The following RGS6 variants were observed in gnomAD, a reference collection of about 807,000 sequenced individuals.
The protein encoded by RGS6 is regulator of G-protein signaling 6.
A neutral mutation model predicts 78.5 loss-of-function variants in RGS6; 30 were observed. The ratio of observed to expected loss-of-function variants is 0.38; its 90% CI spans 0.29 to 0.52. The LOEUF (loss-of-function observed/expected upper bound fraction) is 0.52. Ranked by LOEUF, RGS6 falls within the 20% of genes least tolerant of loss-of-function variation. The pLI, the probability that RGS6 is intolerant of heterozygous loss-of-function variation, is 0.85. For missense variants in RGS6, 495 were observed against 609.7 expected (o/e 0.81, Z 1.98); for synonymous variants, 206 against 206.0 (o/e 1.00, Z 0.00).
intron 3 of RGS6, among the ~76,000 whole-genome samples, chr14:72,405,472 T>C (rs1485966366): frequency 6.6e-6 from 1 of 152,226 alleles, no homozygotes; most frequent in Non-Finnish European, 1.5e-5. Context: ...TCAGAAGTGA[T>C]TCAGACTGTA....
intron 17 of RGS6, among the ~76,000 whole-genome samples, chr14:72,548,737 G>A (rs939471778): frequency 3.3e-5 from 5 of 152,170 alleles, no homozygotes; most frequent in African/African-American, 9.7e-5. Flanking sequence ...GATGGCCACC[G>A]TGAGCTCTTT....
At chr14:72,001,369 A>G (rs530925205) in intron 2 of RGS6, among the ~76,000 whole-genome samples, 1 of 152,074 alleles carries the variant, frequency 6.6e-6, no homozygotes, top group Non-Finnish European at 1.5e-5. Context: ...TTCTGTGAAA[A>G]TTTAGTTCTC....
intron 2 of RGS6, among the ~76,000 whole-genome samples, chr14:71,977,635 T>G (rs1001819905): frequency 1.2e-4 from 18 of 150,616 alleles, no homozygotes; most frequent in Non-Finnish European, 2.2e-4. Context: ...TCTGTTTTGG[T>G]ACCAGTACCA....
chr14:72,536,211 G>A lies in RGS6; in HGVS notation c.1304G>A (p.Ser435Asn). ...AQEHIYKLMK[S>N]DSYARFLRSN... ...GAGCACATCTACAAGCTGATGAAGA[G>A]TGACAGCTATGCCCGCTTCCTCCGG... is the stretch of plus-strand genomic sequence containing the variant. The change falls in exon 16 of 18, where the codon AGT becomes AAT. Residue 435 changes from serine to asparagine, a missense_variant. By Grantham distance (46) the Ser-to-Asn change is conservative. Transcript: ENST00000553525. 6.2e-7 allele frequency: 1 copy of A among 1,613,870 alleles called. No individual in the cohort carries two copies. The highest frequency in any genetic ancestry group is 8.5e-7 in the Non-Finnish European group (1 of 1,179,822).
intron 3 of RGS6, among the ~76,000 whole-genome samples, chr14:72,396,307 C>T (rs534570718): frequency 1.7e-4 from 26 of 152,292 alleles, no homozygotes; most frequent in Non-Finnish European, 3.5e-4. Context: ...GCATTTTTCC[C>T]ATGTGTTTTT....
intron 2 of RGS6, among the ~76,000 whole-genome samples, chr14:72,167,801 T>A (rs558501442): frequency 1.4e-4 from 21 of 152,286 alleles, no homozygotes; most frequent in African/African-American, 5.1e-4. Context: ...AGTCAGAATA[T>A]ATCAAATATA....
At chr14:72,384,128 G>C (rs897666901) in intron 3 of RGS6, among the ~76,000 whole-genome samples, 4 of 152,090 alleles carry the variant, frequency 2.6e-5, no homozygotes, top group East Asian at 3.8e-4. Context: ...CTGGGCACAG[G>C]GCATGTCTCA....
At chr14:72,438,912 C>G (rs1289197299) in intron 3 of RGS6, among the ~76,000 whole-genome samples, 1 of 152,252 alleles carries the variant, frequency 6.6e-6, no homozygotes, top group Non-Finnish European at 1.5e-5. Flanking sequence ...GGCCAACCTC[C>G]AGGCGTACGA....
chr14:72,297,092 T>G (rs1298431958), intron 2 of RGS6, among the ~76,000 whole-genome samples: 1 of 152,182 alleles, frequency 6.6e-6, no homozygotes, highest in Non-Finnish European at 1.5e-5. Flanking sequence ...GCCATATATA[T>G]GTAGGGCTAC....
chr14:72,020,695 T>C (rs962603285), intron 2 of RGS6, among the ~76,000 whole-genome samples: 12 of 152,220 alleles, frequency 7.9e-5, no homozygotes, highest in Admixed American at 5.9e-4. Flanking sequence ...TTTAAAGCAC[T>C]TTAATAACAA....
At chr14:72,493,936 A>G (rs2096611232) in intron 12 of RGS6, among the ~76,000 whole-genome samples, 2 of 152,222 alleles carry the variant, frequency 1.3e-5, no homozygotes, top group African/African-American at 2.4e-5. Context: ...ATGTGCTTCA[A>G]CACAATCAGG....
chr14:72,456,277 A>G (rs1019934250), intron 4 of RGS6, among the ~76,000 whole-genome samples: 12 of 152,122 alleles, frequency 7.9e-5, no homozygotes, highest in Middle Eastern at 3.2e-3. Context: ...TTTTCCCATC[A>G]GTCGATTTCC....
rs754579786 is a variant in RGS6 at position 72,540,273 on chromosome 14, A to C, written c.1422+179A>C. ...AGTGTCTGCAGCTTCTCTTCTAGGG[A>C]TGAAAATGCAAAAAAGAGCAAGCGG... On this transcript the variant is annotated intron_variant, in intron 17 of 17. Coordinates refer to ENST00000553525, the MANE Select transcript of RGS6 (RefSeq NM_001204424.2). 5 of 1,524,368 alleles carry C rather than the reference A, an allele frequency of 3.3e-6. No individual in the cohort carries two copies. The East Asian group carries it at 1.1e-4, about 35-fold the overall frequency. The allele number at this position is 1,524,368 out of a possible 1,614,324, so 94.4% of individuals were successfully genotyped here.
chr14:72,517,743 A>G (rs1191089821), intron 14 of RGS6, among the ~76,000 whole-genome samples: 3 of 152,184 alleles, frequency 2.0e-5, no homozygotes, highest in Non-Finnish European at 4.4e-5. Flanking sequence ...ATTCTTACAC[A>G]GATAGTCTTT....
At chr14:72,077,131 A>G (rs530242546) in intron 2 of RGS6, among the ~76,000 whole-genome samples, 2 of 151,768 alleles carry the variant, frequency 1.3e-5, no homozygotes, top group East Asian at 1.9e-4. Flanking sequence ...ACCCTTTCAA[A>G]CTTTGTATGA....
chr14:72,318,240 G>A (rs984461991), intron 2 of RGS6, among the ~76,000 whole-genome samples: 2 of 152,184 alleles, frequency 1.3e-5, no homozygotes, highest in South Asian at 2.1e-4. Context: ...GAAGCATCCA[G>A]CACAGTAGAA....
At chr14:71,927,949 C>T (rs919801590), upstream of RGS6, among the ~76,000 whole-genome samples, 11 of 152,026 alleles carry the variant, frequency 7.2e-5, no homozygotes, top group African/African-American at 2.7e-4. Flanking sequence ...TGAGCCACCG[C>T]GCCCGGCCAA....
intron 13 of RGS6, among the ~76,000 whole-genome samples, chr14:72,504,610 T>A (rs1380868548): frequency 1.3e-5 from 2 of 152,302 alleles, no homozygotes; most frequent in Non-Finnish European, 2.9e-5. Context: ...AGGTATTATC[T>A]AGGAAGATTG....
intron 17 of RGS6, chr14:72,541,090 A>C: frequency 7.4e-7 from 1 of 1,357,252 alleles, no homozygotes; most frequent in Middle Eastern, 2.1e-4. Context: ...CATGAACATC[A>C]AACCAGAGGG....
Sources: gnomAD v4.1 joint callset for allele counts (sites outside exome capture counted in the v4.1 genomes callset) on GRCh38, gnomAD v4.1.1 for gene constraint, MANE v1.5 for transcripts, NCBI Gene and HGNC (gene_info 2026-07-23, HGNC 2026-07-21) for gene names.